The following GRM8 variants were observed in gnomAD, a reference collection of about 807,000 sequenced individuals.
GRM8 encodes glutamate metabotropic receptor 8.
Under a neutral mutation model 87.2 loss-of-function variants are expected in GRM8, and 47 were observed. The ratio of observed to expected loss-of-function variants is 0.54; its 90% CI spans 0.43 to 0.69. The LOEUF is 0.69. GRM8 is among the 30% of genes least tolerant of loss of function. The pLI, the probability that GRM8 is intolerant of heterozygous loss-of-function variation, is 0.00. For missense variants in GRM8, 1,019 were observed against 1,139.2 expected, an observed-to-expected ratio of 0.89 and a Z score of 1.52; for synonymous variants, 396 against 404.5, an observed-to-expected ratio of 0.98 and a Z score of 0.25.
chr7:127,226,081 T>C (rs1014463661), intron 2 of GRM8, among the ~76,000 whole-genome samples: 1 of 152,240 alleles, frequency 6.6e-6, no homozygotes, highest in Non-Finnish European at 1.5e-5. Context: ...CATCTTAATA[T>C]AATCAGTAGT....
rs538771930 is a variant in GRM8, at chr7:126,494,572, A to G, written c.2430+38380T>C. 1.9e-3 allele frequency among the ~76,000 whole-genome samples: 285 copies of G among 152,160 alleles called. 1 individual carries two copies. Among genetic ancestry groups the G allele is most frequent in the Non-Finnish European group, 2.8e-3 (188 of 67,960 alleles). On this transcript the variant is annotated intron_variant, in intron 9 of 10. Transcript: ENST00000339582. The stretch of plus-strand genomic sequence containing the variant: ...GTAACTGATTGCAAGCACTTAGAAA[A>G]TGCTTGAGGAAGACAGGTAAATCTT...
chr7:126,933,649 G>T (rs1805990860), intron 3 of GRM8, among the ~76,000 whole-genome samples: 2 of 152,158 alleles, frequency 1.3e-5, no homozygotes, highest in Admixed American at 1.3e-4. Context: ...AAATGCTAGG[G>T]TTCAAATCTT....
chr7:127,201,349 G>T (rs761375863), intron 2 of GRM8, among the ~76,000 whole-genome samples: 32 of 152,158 alleles, frequency 2.1e-4, no homozygotes, highest in Non-Finnish European at 3.8e-4. Flanking sequence ...CTTACCCAAG[G>T]TCACACACAG....
intron 3 of GRM8, among the ~76,000 whole-genome samples, chr7:127,030,421 T>C (rs1744659239): frequency 6.6e-6 from 1 of 152,086 alleles, no homozygotes; most frequent in South Asian, 2.1e-4. Flanking sequence ...AGTAGCACCT[T>C]CAACTTAGAA....
intron 2 of GRM8, among the ~76,000 whole-genome samples, chr7:127,116,335 T>G (rs1265890055): frequency 6.6e-6 from 1 of 152,200 alleles, no homozygotes; most frequent in East Asian, 1.9e-4. Flanking sequence ...ACACTTCTTC[T>G]AATAGTTAAA....
intron 3 of GRM8, among the ~76,000 whole-genome samples, chr7:127,043,165 T>C (rs1365591541): frequency 2.6e-5 from 4 of 152,226 alleles, no homozygotes; most frequent in Non-Finnish European, 5.9e-5. Context: ...ACACTGTTGG[T>C]GGGACTGTAA....
chr7:127,107,089 G>A (rs183661705), intron 2 of GRM8, among the ~76,000 whole-genome samples: 2 of 152,264 alleles, frequency 1.3e-5, no homozygotes, highest in East Asian at 3.9e-4. Flanking sequence ...CATCAGAAAA[G>A]GTCACCTCTG....
intron 9 of GRM8, among the ~76,000 whole-genome samples, chr7:126,503,982 C>A (rs1253528317): frequency 2.6e-5 from 4 of 152,004 alleles, no homozygotes; most frequent in South Asian, 4.1e-4. Context: ...TGAATTAAAA[C>A]AAACAAAAAA....
At position 127,197,320 on chromosome 7, in the gene GRM8, G is replaced by A. The variant is rs116462162; in HGVS notation, c.510+45375C>T. ...TTAAGAAGATACTTCACAAAATCTCGACAACCTACACAGATAGACAATTGT... is the reference window on the plus strand; with the variant it reads ...TTAAGAAGATACTTCACAAAATCTCAACAACCTACACAGATAGACAATTGT... On this transcript the variant is annotated intron_variant, in intron 2 of 10. Coordinates refer to ENST00000339582, the MANE Select transcript of GRM8 (RefSeq NM_000845.3). Among the ~76,000 whole-genome samples, 975 of 152,148 alleles carry A rather than the reference G, an allele frequency of 6.4e-3. 13 individuals are homozygous for A. The highest frequency in any genetic ancestry group is 0.022 in the African/African-American group (933 of 41,500).
chr7:126,548,462 T>G (rs17682376), intron 8 of GRM8, among the ~76,000 whole-genome samples: 54,673 of 151,630 alleles, frequency 0.36, 9,956 homozygotes, highest in East Asian at 0.44. Context: ...ACAGATAACT[T>G]TAAAAATTAC....
chr7:127,123,445 C>G (rs991251836), intron 2 of GRM8, among the ~76,000 whole-genome samples: 3 of 152,034 alleles, frequency 2.0e-5, no homozygotes, highest in Admixed American at 6.6e-5. Flanking sequence ...TTTAAAAGAG[C>G]CTGGCACCTT....
chr7:126,551,468 T>A (rs945157146), intron 8 of GRM8, among the ~76,000 whole-genome samples: 3 of 152,296 alleles, frequency 2.0e-5, no homozygotes, highest in African/African-American at 7.2e-5. Flanking sequence ...TCCTTGGCCT[T>A]AAACATCATT....
chr7:126,518,148 T>C (rs1222304865), intron 9 of GRM8, among the ~76,000 whole-genome samples: 1 of 152,072 alleles, frequency 6.6e-6, no homozygotes, highest in Non-Finnish European at 1.5e-5. Flanking sequence ...CTACATTAAC[T>C]GGCAGTATGA....
intron 7 of GRM8, among the ~76,000 whole-genome samples, chr7:126,646,361 C>T (rs1366986183): frequency 6.6e-6 from 1 of 150,926 alleles, no homozygotes; most frequent in Non-Finnish European, 1.5e-5. Flanking sequence ...CCTGATCCTT[C>T]TTCAGCTACC....
chr7:126,516,862 C>T (rs1008265706), intron 9 of GRM8, among the ~76,000 whole-genome samples: 2 of 151,674 alleles, frequency 1.3e-5, no homozygotes, highest in African/African-American at 4.8e-5. Flanking sequence ...ATTGTTTATG[C>T]TTTTTAATCA....
intron 7 of GRM8, among the ~76,000 whole-genome samples, chr7:126,626,145 C>A (rs1377907456): frequency 7.4e-6 from 1 of 134,596 alleles, no homozygotes. Context: ...TATGGTCCAA[C>A]CTTTTCAAAT....
intron 8 of GRM8, among the ~76,000 whole-genome samples, chr7:126,534,793 A>T (rs2040510): frequency 0.26 from 39,813 of 152,198 alleles, 5,355 homozygotes; most frequent in African/African-American, 0.28. Flanking sequence ...CAAAACTGAA[A>T]ATTACAGATG....
rs373831706 is a variant in GRM8 at position 127,139,294 on chromosome 7, T to C, written c.511-32582A>G. On this transcript the variant is annotated intron_variant, in intron 2 of 10. Coordinates refer to ENST00000339582, the MANE Select transcript of GRM8 (RefSeq NM_000845.3). ...CCTCACATACCTATTGAGGGCCTCA[T>C]GTTCTTCTTACCACAGAAAAGAGAT... is the stretch of plus-strand genomic sequence containing the variant. 1.7e-4 allele frequency among the ~76,000 whole-genome samples: 26 copies of C among 152,236 alleles called. 2 individuals are homozygous for C. The South Asian group carries it at 2.1e-3, about 12-fold the overall frequency.
intron 6 of GRM8, among the ~76,000 whole-genome samples, chr7:126,827,048 G>C (rs1030911434): frequency 6.6e-6 from 1 of 152,084 alleles, no homozygotes; most frequent in Admixed American, 6.5e-5. Flanking sequence ...TTATTTCTGA[G>C]GGCTCTGTTC....
Sources: allele counts gnomAD v4.1 joint callset (sites outside exome capture counted in the v4.1 genomes callset), GRCh38; gene constraint gnomAD v4.1.1; transcripts MANE v1.5; gene names NCBI Gene and HGNC (gene_info 2026-07-23, HGNC 2026-07-21).